WNK3: variants seen among roughly 807,000 people sequenced by gnomAD.
WNK3 encodes serine/threonine-protein kinase WNK3.
Under a neutral mutation model 116.7 loss-of-function variants are expected in WNK3, and 18 were observed. The observed-to-expected ratio is 0.15, with a 90% CI of 0.11 to 0.23. The LOEUF is 0.23. WNK3 is among the 10% of genes least tolerant of loss of function. The pLI is 1.00. For missense variants in WNK3, 993 were observed against 1,323.8 expected (o/e 0.75, Z 3.88); for synonymous variants, 404 against 469.4 (o/e 0.86, Z 1.80).
intron 1 of WNK3, among the ~76,000 whole-genome samples, chrX:54,341,028 T>C (rs1280875098): frequency 8.9e-6 from 1 of 112,116 alleles, no homozygotes; most frequent in Non-Finnish European, 1.9e-5. Context: ...CTATTCACAA[T>C]ACCCAAAGGT....
intron 1 of WNK3, among the ~76,000 whole-genome samples, chrX:54,345,282 A>ATATGTATGTATG (rs572331448): frequency 9.9e-6 from 1 of 100,909 alleles, no homozygotes; most frequent in African/African-American, 3.7e-5. Context: ...AACTATATAT[A>ATATGTATGTATG]TATGTATGTA....
At chrX:54,352,953 G>A (rs1382149938) in intron 1 of WNK3, among the ~76,000 whole-genome samples, 1 of 111,955 alleles carries the variant, frequency 8.9e-6, no homozygotes, top group East Asian at 2.8e-4. Context: ...AAAACATGCT[G>A]AGTGAAAGCC....
intron 2 of WNK3, among the ~76,000 whole-genome samples, chrX:54,329,304 T>G (rs1158177916): frequency 9.0e-6 from 1 of 111,644 alleles, no homozygotes; most frequent in African/African-American, 3.3e-5. Context: ...TAGTAAGACC[T>G]TATGAGATTT....
chrX:54,227,867 T>C (rs192405885), intron 22 of WNK3, among the ~76,000 whole-genome samples: 12 of 112,115 alleles, frequency 1.1e-4, no homozygotes, highest in African/African-American at 3.9e-4. Flanking sequence ...CTGTCCAGAG[T>C]AGGCAAATCT....
chrX:54,348,058 T>G (rs1557177941), intron 1 of WNK3, among the ~76,000 whole-genome samples: 1 of 111,637 alleles, frequency 9.0e-6, no homozygotes, highest in Non-Finnish European at 1.9e-5. Flanking sequence ...TATAAGTTTC[T>G]CATTCTTATT....
chrX:54,230,545 G>A (rs944415107), intron 21 of WNK3, among the ~76,000 whole-genome samples: 1 of 111,954 alleles, frequency 8.9e-6, no homozygotes, highest in Non-Finnish European at 1.9e-5. Context: ...CAGAAAAACT[G>A]GAAGTCTCGC....
At chrX:54,221,854 A>C (rs1376595270) in intron 22 of WNK3, among the ~76,000 whole-genome samples, 2 of 106,489 alleles carry the variant, frequency 1.9e-5, no homozygotes, top group East Asian at 6.1e-4. Context: ...CAACCAACCA[A>C]ACAAACAAAC....
At chrX:54,336,131 T>TA (rs1208276279) in intron 1 of WNK3, among the ~76,000 whole-genome samples, 16 of 110,986 alleles carry the variant, frequency 1.4e-4, no homozygotes, top group Non-Finnish European at 3.0e-4. Context: ...CTCTATAAAA[T>TA]ACAAAAAATT....
At chrX:54,331,019 T>C (rs1425114184) in intron 2 of WNK3, among the ~76,000 whole-genome samples, 1 of 87,980 alleles carries the variant, frequency 1.1e-5, no homozygotes, top group Non-Finnish European at 2.2e-5. Flanking sequence ...TCTCAAAAAA[T>C]AAAATTAAAA....
At chrX:54,290,765 T>C (rs868909941) in intron 10 of WNK3, among the ~76,000 whole-genome samples, 10 of 111,365 alleles carry the variant, frequency 9.0e-5, no homozygotes, top group African/African-American at 3.3e-4. Context: ...ATATAGATAC[T>C]CTCTCAAGAA....
At chrX:54,313,434 C>T (rs1028696241) in intron 2 of WNK3, among the ~76,000 whole-genome samples, 1 of 109,301 alleles carries the variant, frequency 9.1e-6, no homozygotes, top group South Asian at 4.0e-4. Flanking sequence ...TCACGGCAAC[C>T]TCCGTCTCCC....
At chrX:54,310,654 C>T (rs1351759185) in intron 3 of WNK3, among the ~76,000 whole-genome samples, 2 of 111,278 alleles carry the variant, frequency 1.8e-5, no homozygotes, top group African/African-American at 6.5e-5. Flanking sequence ...CTTCTCAGTA[C>T]TGTATTTTTT....
In WNK3 at chrX:54,298,415, C is replaced by A. The variant is rs375230550; in HGVS notation, c.1179-21G>T. The A allele has an allele frequency of 4.5e-6, 5 of 1,099,223 alleles. No individual in the cohort carries two copies. The African/African-American group carries it at 5.5e-5, about 12-fold the overall frequency. The allele number at this position is 1,099,223 out of a possible 1,213,427, so 90.6% of individuals were successfully genotyped here. On this transcript the variant is annotated intron_variant, in intron 6 of 23. Transcript: ENST00000354646. ...ACAACCTAATAAACAAAACATATAT[C>A]TCATTATCAGTTCTTCCAATCATAG...
At chrX:54,260,395 T>C (rs942966279) in intron 10 of WNK3, among the ~76,000 whole-genome samples, 1 of 112,091 alleles carries the variant, frequency 8.9e-6, no homozygotes, top group Non-Finnish European at 1.9e-5. Flanking sequence ...TCCCCGTAAG[T>C]TGGAACAGCA....
intron 10 of WNK3, among the ~76,000 whole-genome samples, chrX:54,288,722 C>T (rs1557164440): frequency 9.0e-6 from 1 of 111,288 alleles, no homozygotes; most frequent in Non-Finnish European, 1.9e-5. Context: ...TCGCTGAAAG[C>T]TGGACATTAA....
intron 10 of WNK3, among the ~76,000 whole-genome samples, chrX:54,276,132 G>A (rs1465563044): frequency 9.0e-6 from 1 of 110,916 alleles, no homozygotes; most frequent in African/African-American, 3.3e-5. Flanking sequence ...CTGAGGTCAG[G>A]AGTTCGAGAC....
chrX:54,255,148 T>G (rs912895162), intron 12 of WNK3, among the ~76,000 whole-genome samples: 2 of 110,677 alleles, frequency 1.8e-5, no homozygotes, highest in African/African-American at 6.6e-5. Flanking sequence ...CCTGGCTAAT[T>G]TTTGTATTTT....
intron 3 of WNK3, among the ~76,000 whole-genome samples, chrX:54,310,560 T>C (rs1470334769): frequency 1.0e-5 from 1 of 98,918 alleles, no homozygotes; most frequent in Non-Finnish European, 1.9e-5. Flanking sequence ...CAAAAAATAA[T>C]AAAATAAAAT....
exon 17 of WNK3, chrX:54,249,410 A>G: frequency 8.3e-7 from 1 of 1,211,618 alleles, no homozygotes; most frequent in African/African-American, 1.7e-5. Flanking sequence ...GAAGTAGTAG[A>G]GTAACTGGAA....
Sources: allele counts gnomAD v4.1 joint callset (sites outside exome capture counted in the v4.1 genomes callset), GRCh38; gene constraint gnomAD v4.1.1; transcripts MANE v1.5; gene names NCBI Gene and HGNC (gene_info 2026-07-23, HGNC 2026-07-21).